Variants in SRGAP3 observed in about 807,000 individuals in gnomAD.
SRGAP3 encodes SLIT-ROBO Rho GTPase activating protein 3.
Under a neutral mutation model 121.1 loss-of-function variants are expected in SRGAP3, and 39 were observed. The observed-to-expected ratio is 0.32, with a 90% CI of 0.25 to 0.42. The LOEUF is 0.42. SRGAP3 is among the 10% of genes least tolerant of loss of function. SRGAP3 has a pLI of 1.00. For missense variants in SRGAP3, 1,213 were observed against 1,470.6 expected (o/e 0.82, Z 2.86); for synonymous variants, 601 against 570.0 (o/e 1.05, Z -0.77).
Position 9,042,764 on chromosome 3 carries a change from C to T in SRGAP3, c.1408+4627G>A, listed in dbSNP as rs145274637. On this transcript the variant is annotated intron_variant, in intron 10 of 21. Coordinates refer to ENST00000383836, the MANE Select transcript of SRGAP3 (RefSeq NM_014850.4). The stretch of plus-strand genomic sequence containing the variant: ...GCCCTCCTGTTAGAGCTGATGGCAG[C>T]CCATGAAAGTGGTCAGGCGATGGCC... Among the ~76,000 whole-genome samples, 498 of 152,302 alleles carry T rather than the reference C, an allele frequency of 3.3e-3. 3 individuals are homozygous for T. The highest frequency in any genetic ancestry group is 0.011 in the African/African-American group (476 of 41,552).
chr3:9,084,014 C>T (rs1457235264), intron 3 of SRGAP3, among the ~76,000 whole-genome samples: 1 of 152,208 alleles, frequency 6.6e-6, no homozygotes, highest in East Asian at 1.9e-4. Context: ...GAACTGTTCC[C>T]CCATCCCTTC....
At chr3:9,216,782 C>A (rs116160927) in intron 1 of SRGAP3, 1 of 152,362 alleles carries the variant, frequency 6.6e-6, no homozygotes, top group Admixed American at 6.5e-5. Context: ...CCCAGAGGAG[C>A]GGATGAACGT....
chr3:9,249,231 T>C lies in SRGAP3; in HGVS notation c.-280A>G. On this transcript the variant is annotated 5_prime_UTR_variant, in exon 1 of 22. Coordinates refer to ENST00000383836, the MANE Select transcript of SRGAP3 (RefSeq NM_014850.4). ...GAGCACAGTAACCTGCCCCAGATTT[T>C]CAAAGATTTTTCTTCCAAAAATAAT... is the stretch of plus-strand genomic sequence containing the variant. The C allele has an allele frequency of 1.9e-6, 1 of 525,194 alleles. No individual in the cohort carries two copies. Among genetic ancestry groups the C allele is most frequent in the Non-Finnish European group, 3.4e-6 (1 of 290,500 alleles). 32.5% of individuals were successfully genotyped at this position (525,194 alleles called of 1,614,324 possible). A position where few individuals can be genotyped will look rare whatever the true frequency, so the allele number is the denominator to read the frequency against.
At position 9,348,944 on chromosome 3, in the gene SRGAP3, G is replaced by C. The variant is rs1345653940; in HGVS notation, n.214+13896C>G. 3 of 953,286 alleles carry C rather than the reference G, an allele frequency of 3.1e-6. No homozygotes were observed. In the African/African-American group the frequency reaches 4.8e-5, roughly 15 times the overall value. 59.1% of individuals were successfully genotyped at this position (953,286 alleles called of 1,614,324 possible). Reference sequence around the variant, plus strand: ...CAAGGCTCTGCCCTTTTGGAATGAAGAAATAGTTCCCCAGATCAAGGAGGG... The same window carrying C: ...CAAGGCTCTGCCCTTTTGGAATGAACAAATAGTTCCCCAGATCAAGGAGGG... On this transcript the variant is annotated intron_variant and non_coding_transcript_variant, in intron 1 of 3. Coordinates refer to the SRGAP3 transcript ENST00000490889.
intron 3 of SRGAP3, among the ~76,000 whole-genome samples, chr3:9,085,874 C>A (rs947147657): frequency 2.0e-5 from 3 of 152,114 alleles, no homozygotes; most frequent in Admixed American, 6.5e-5. Context: ...GGCTAAAAAC[C>A]TAGATGATAA....
chr3:8,990,878 G>A lies in SRGAP3; in HGVS notation c.2559-39C>T, dbSNP rs1208118479. The A allele has an allele frequency of 1.1e-5, 16 of 1,461,348 alleles. No individual in the cohort carries two copies. In the Admixed American group the frequency reaches 3.2e-4, roughly 29 times the overall value. The allele number at this position is 1,461,348 out of a possible 1,614,324, so 90.5% of individuals were successfully genotyped here. A position where few individuals can be genotyped will look rare whatever the true frequency, so the allele number is the denominator to read the frequency against. ...AGGGGGCGAGGGGCATGGGGCAGAG[G>A]TCAAGCCTGGCAAGTCTCAGAATGG... On this transcript the variant is annotated intron_variant, in intron 20 of 21. Transcript: ENST00000383836.
chr3:8,987,922 C>A (rs1240887596), intron 21 of SRGAP3, among the ~76,000 whole-genome samples: 1 of 152,140 alleles, frequency 6.6e-6, no homozygotes, highest in East Asian at 1.9e-4. Flanking sequence ...CCCCTATTGA[C>A]CTCACTACTC....
intron 3 of SRGAP3, among the ~76,000 whole-genome samples, chr3:9,082,204 G>C (rs1947280139): frequency 1.3e-5 from 2 of 152,244 alleles, no homozygotes; most frequent in Middle Eastern, 3.4e-3. Flanking sequence ...TACCATGATT[G>C]GAAGCTTCCT....
At chr3:9,042,417 G>A (rs1945062209) in intron 10 of SRGAP3, among the ~76,000 whole-genome samples, 1 of 141,604 alleles carries the variant, frequency 7.1e-6, no homozygotes, top group Non-Finnish European at 1.5e-5. Flanking sequence ...TTAGAAGAAA[G>A]AATCGAGCAT....
intron 14 of SRGAP3, among the ~76,000 whole-genome samples, chr3:9,024,878 A>C (rs563608025): frequency 6.6e-6 from 1 of 152,212 alleles, no homozygotes; most frequent in Admixed American, 6.5e-5. Flanking sequence ...TTTCCCAGCA[A>C]CCACTGTGCA....
chr3:9,071,866 A>G lies in SRGAP3; in HGVS notation c.487-7285T>C, dbSNP rs559173089. Among the ~76,000 whole-genome samples, 34 of 152,280 alleles carry G rather than the reference A, an allele frequency of 2.2e-4. 1 individual carries two copies. In the East Asian group the frequency reaches 6.0e-3, roughly 27 times the overall value. Reference sequence around the variant, plus strand: ...TCAGGTACTATACCAAATGCACTACAGTCAAAATACAGTATAGAAGACAGT... The same window carrying G: ...TCAGGTACTATACCAAATGCACTACGGTCAAAATACAGTATAGAAGACAGT... On this transcript the variant is annotated intron_variant, in intron 4 of 21. Coordinates refer to ENST00000383836, the MANE Select transcript of SRGAP3 (RefSeq NM_014850.4).
At chr3:9,035,905 T>TGC (rs1574951926) in intron 11 of SRGAP3, 1 of 152,646 alleles carries the variant, frequency 6.6e-6, no homozygotes, top group East Asian at 1.9e-4. Context: ...TGTACTGCGT[T>TGC]GCATCTGCCT....
chr3:9,231,940 C>T (rs964839237), intron 1 of SRGAP3, among the ~76,000 whole-genome samples: 9 of 152,086 alleles, frequency 5.9e-5, no homozygotes, highest in African/African-American at 1.2e-4. Context: ...GATGGAAAAT[C>T]GGGTCTTATG....
intron 3 of SRGAP3, among the ~76,000 whole-genome samples, chr3:9,325,138 G>A (rs1312961680): frequency 6.6e-6 from 1 of 151,722 alleles, no homozygotes; most frequent in Admixed American, 6.5e-5. Context: ...CATTCCACTT[G>A]AAGAGAGACT....
At chr3:9,124,486 T>C (rs1336882967) in intron 2 of SRGAP3, among the ~76,000 whole-genome samples, 1 of 152,200 alleles carries the variant, frequency 6.6e-6, no homozygotes, top group African/African-American at 2.4e-5. Context: ...ACAAACACTC[T>C]TCTTGGGTTG....
intron 1 of SRGAP3, among the ~76,000 whole-genome samples, chr3:9,191,928 T>C (rs556497786): frequency 9.2e-5 from 14 of 152,202 alleles, no homozygotes; most frequent in African/African-American, 1.2e-4. Flanking sequence ...GTGATATGCC[T>C]ACTCCCCTTT....
intron 12 of SRGAP3, among the ~76,000 whole-genome samples, chr3:9,028,826 G>C (rs1397785716): frequency 6.6e-6 from 1 of 152,168 alleles, no homozygotes; most frequent in Non-Finnish European, 1.5e-5. Flanking sequence ...GAATACAAAA[G>C]CTGAGGAAGG....
intron 4 of SRGAP3, among the ~76,000 whole-genome samples, chr3:9,076,261 T>G (rs1191049394): frequency 6.6e-6 from 1 of 152,214 alleles, no homozygotes; most frequent in Non-Finnish European, 1.5e-5. Context: ...AGGTAGTTTG[T>G]TACACAGCAA....
rs1342584340 is a variant in SRGAP3, at chr3:9,138,996, CT to C, written c.68-14080del. Among the ~76,000 whole-genome samples the C allele has an allele frequency of 3.3e-5, 5 of 152,202 alleles. No individual in the cohort carries two copies. In the East Asian group the frequency reaches 9.6e-4, roughly 29 times the overall value. On this transcript the variant is annotated intron_variant, in intron 1 of 21. Coordinates refer to ENST00000383836, the MANE Select transcript of SRGAP3 (RefSeq NM_014850.4). The stretch of plus-strand genomic sequence containing the variant: ...TTCAAGAAACAGTGATTGGCCCAAC[CT>C]CTTAATTCACAAGAGGAGAAACTGA...
Sources: allele counts gnomAD v4.1 joint callset (sites outside exome capture counted in the v4.1 genomes callset), GRCh38; gene constraint gnomAD v4.1.1; transcripts MANE v1.5; gene names NCBI Gene and HGNC (gene_info 2026-07-23, HGNC 2026-07-21).